The following CADPS2 variants were observed in gnomAD, a reference collection of about 807,000 sequenced individuals.
The protein encoded by CADPS2 is calcium dependent secretion activator 2, also known as calcium-dependent secretion activator 2.
In CADPS2, 93 loss-of-function variants were observed where a neutral mutation model predicts 172.5. The ratio of observed to expected loss-of-function variants is 0.54; its 90% confidence interval spans 0.46 to 0.64. CADPS2 has a LOEUF of 0.64. Ranked by LOEUF, CADPS2 falls within the 30% of genes least tolerant of loss-of-function variation. The probability of loss-of-function intolerance (pLI) is 0.00; values close to 1 mark genes in which losing one functional copy is unlikely to be tolerated. For synonymous variants in CADPS2, 546 were observed against 555.2 expected, an observed-to-expected ratio of 0.98 and a Z score of 0.23; for missense variants, 1,420 against 1,565.9, an observed-to-expected ratio of 0.91 and a Z score of 1.57.
chr7:122,698,233 T>G, intron 2 of CADPS2: 1 of 1,613,986 alleles, frequency 6.2e-7, no homozygotes, highest in Non-Finnish European at 8.5e-7. Flanking sequence ...GTTCTGAAGA[T>G]CTGTTGTTAA....
chr7:122,489,208 T>A (rs941075996), intron 11 of CADPS2, among the ~76,000 whole-genome samples: 1 of 152,202 alleles, frequency 6.6e-6, no homozygotes, highest in Non-Finnish European at 1.5e-5. Context: ...TTATTTGAAC[T>A]AAAGTGCCTT....
intron 2 of CADPS2, chr7:122,676,445 CT>C: frequency 2.7e-6 from 1 of 375,108 alleles, no homozygotes; most frequent in Non-Finnish European, 4.7e-6. Context: ...TACCCTTCAA[CT>C]TTGACATTCA....
intron 17 of CADPS2, among the ~76,000 whole-genome samples, chr7:122,422,512 G>A (rs549481928): frequency 2.6e-5 from 4 of 152,228 alleles, no homozygotes; most frequent in African/African-American, 9.6e-5. Context: ...TCCCCCTGCA[G>A]AAATATAAAG....
chr7:122,735,881 T>A (rs1002124999), intron 2 of CADPS2, among the ~76,000 whole-genome samples: 16 of 152,184 alleles, frequency 1.1e-4, no homozygotes, highest in Non-Finnish European at 1.9e-4. Context: ...GATTCAAATA[T>A]TGAATTTTAC....
At chr7:122,519,861 T>C (rs2060646424) in intron 8 of CADPS2, among the ~76,000 whole-genome samples, 1 of 141,748 alleles carries the variant, frequency 7.1e-6, no homozygotes, top group Non-Finnish European at 1.5e-5. Flanking sequence ...TTTGCCTAAT[T>C]GATTTTTTTT....
intron 4 of CADPS2, among the ~76,000 whole-genome samples, chr7:122,627,653 C>T (rs2076208587): frequency 1.3e-5 from 2 of 152,150 alleles, no homozygotes; most frequent in African/African-American, 4.8e-5. Flanking sequence ...TAGAAAATCA[C>T]TTAAACTTTA....
chr7:122,321,233 C>T (rs1237179358), intron 29 of CADPS2, among the ~76,000 whole-genome samples: 1 of 152,186 alleles, frequency 6.6e-6, no homozygotes, highest in Non-Finnish European at 1.5e-5. Context: ...GCGGTGTGAT[C>T]ATTGCTTACT....
At chr7:122,337,963 C>G (rs778054054) in intron 28 of CADPS2, among the ~76,000 whole-genome samples, 22 of 152,152 alleles carry the variant, frequency 1.4e-4, no homozygotes, top group Non-Finnish European at 2.5e-4. Context: ...GTGTTAAAAG[C>G]AGCTAAGTAA....
intron 1 of CADPS2, among the ~76,000 whole-genome samples, chr7:122,871,465 C>T (rs1173513169): frequency 3.3e-5 from 5 of 150,980 alleles, no homozygotes; most frequent in Admixed American, 3.3e-4. Flanking sequence ...TACAGTATTC[C>T]CCCCCACAAA....
chr7:122,738,095 G>C (rs980251700), intron 1 of CADPS2, among the ~76,000 whole-genome samples: 6 of 152,050 alleles, frequency 3.9e-5, no homozygotes, highest in African/African-American at 1.2e-4. Context: ...TACAACCAAG[G>C]GTCCTTACCC....
intron 4 of CADPS2, among the ~76,000 whole-genome samples, chr7:122,622,511 A>G (rs2075703289): frequency 1.3e-5 from 2 of 152,204 alleles, no homozygotes; most frequent in South Asian, 4.1e-4. Context: ...CCAAATATTG[A>G]TATTTAGATG....
chr7:122,716,775 A>G (rs534124559), intron 2 of CADPS2, among the ~76,000 whole-genome samples: 1 of 152,128 alleles, frequency 6.6e-6, no homozygotes, highest in African/African-American at 2.4e-5. Flanking sequence ...AGTAAAAGGT[A>G]GAGTGCGACC....
intron 24 of CADPS2, 43 bp from the exon 25 acceptor site, chr7:122,379,485 A>T (rs781206250): frequency 7.7e-7 from 1 of 1,298,906 alleles, no homozygotes; most frequent in South Asian, 1.2e-5. Context: ...ACATGGACAC[A>T]AAACTTTTGT....
intron 20 of CADPS2, among the ~76,000 whole-genome samples, chr7:122,405,897 T>C (rs1164490499): frequency 6.6e-6 from 1 of 152,216 alleles, no homozygotes. Context: ...TCATCTTATT[T>C]AATGCTCACT....
chr7:122,320,295 GTTCC>G lies in CADPS2; in HGVS notation c.3757_3760del (p.Gly1253HisfsTer2). ...AGTATCATAAGTCTTACTGTTCAGT[GTTCC>G]TTCCAACACACCCTGCAATCGAAAG... On this transcript the variant is annotated frameshift_variant, in exon 30 of 30. Transcript: ENST00000449022. LOFTEE classifies it high-confidence loss of function. 3 of 1,609,740 alleles carry G rather than the reference GTTCC, an allele frequency of 1.9e-6. No homozygotes were observed. Among genetic ancestry groups the G allele is most frequent in the Non-Finnish European group, 2.5e-6 (3 of 1,177,834 alleles).
At chr7:122,632,337 T>G (rs2076655367) in intron 3 of CADPS2, among the ~76,000 whole-genome samples, 1 of 152,182 alleles carries the variant, frequency 6.6e-6, no homozygotes, top group South Asian at 2.1e-4. Flanking sequence ...ATACAAACAT[T>G]TGCTTTTCTC....
intron 29 of CADPS2, among the ~76,000 whole-genome samples, chr7:122,322,400 A>G (rs3757541): frequency 0.36 from 55,053 of 152,062 alleles, 10,176 homozygotes; most frequent in East Asian, 0.47. Context: ...GTTGGGTGAG[A>G]TACTAGGCAG....
intron 1 of CADPS2, among the ~76,000 whole-genome samples, chr7:122,797,364 T>TATA (rs1330124809): frequency 6.6e-6 from 1 of 152,148 alleles, no homozygotes; most frequent in African/African-American, 2.4e-5. Context: ...CCCAAAGGAA[T>TATA]ATAAATCATT....
intron 14 of CADPS2, among the ~76,000 whole-genome samples, chr7:122,466,575 A>G (rs955401332): frequency 2.0e-5 from 3 of 152,218 alleles, no homozygotes; most frequent in African/African-American, 7.2e-5. Flanking sequence ...GTATGTTGTC[A>G]TAACAAAATT....
Sources: allele counts gnomAD v4.1 joint callset (sites outside exome capture counted in the v4.1 genomes callset), GRCh38; gene constraint gnomAD v4.1.1; transcripts MANE v1.5; gene names NCBI Gene and HGNC (gene_info 2026-07-23, HGNC 2026-07-21).